The following ASIC3 variants were observed in gnomAD, a reference collection of about 807,000 sequenced individuals.
The protein encoded by ASIC3 is acid sensing ion channel subunit 3.
ASIC3 carries 46 observed loss-of-function variants against 58.6 expected under a neutral mutation model. The ratio of observed to expected loss-of-function variants is 0.79; its 90% CI spans 0.62 to 1.00. The LOEUF (loss-of-function observed/expected upper bound fraction) is 1.00, where lower values mean the gene tolerates loss of function less well. ASIC3 is among the 50% of genes least tolerant of loss of function. ASIC3 has a pLI of 0.00. For missense variants in ASIC3, 770 were observed against 735.0 expected, an observed-to-expected ratio of 1.05 and a Z score of -0.55; for synonymous variants, 336 against 300.2, an observed-to-expected ratio of 1.12 and a Z score of -1.23.
At chr7:151,051,489 G>T (rs1417464701) in intron 6 of ASIC3, among the ~76,000 whole-genome samples, 170 bp downstream of exon 6, 1 of 151,608 alleles carries the variant, frequency 6.6e-6, no homozygotes, top group African/African-American at 2.4e-5. Context: ...GGCCCCGGGG[G>T]ATGCTGACGC....
chr7:151,050,696 G>C, intron 3 of ASIC3, 62 bp from the exon 4 acceptor site: 1 of 1,605,824 alleles, frequency 6.2e-7, no homozygotes, highest in South Asian at 1.1e-5. Flanking sequence ...CTGTCTAGGG[G>C]CCTCTCCCCA....
Position 151,050,836 on chromosome 7 carries a change from C to T in ASIC3, c.892C>T (p.Pro298Ser), listed in dbSNP as rs763507427. 1.2e-6 allele frequency: 2 copies of T among 1,613,344 alleles called. No homozygotes were observed. The highest frequency in any genetic ancestry group is 2.2e-5 in the South Asian group (2 of 91,058). ...NPNYEPEPSD[P>S]LGSPSPSPSP... is the part of the protein sequence containing the mutation. ...CAACTATGAGCCAGAGCCCTCTGAT[C>T]CCCTAGGCTCCCCCAGCCCCAGCCC... is the stretch of plus-strand genomic sequence containing the variant. Residue 298 changes from proline (P) to serine (S), a missense_variant, in exon 4 of 11, where the codon CCC becomes TCC. Physicochemically the swap from Pro to Ser is moderately conservative, Grantham distance 74. Transcript: ENST00000349064.
At position 151,050,949 on chromosome 7, in the gene ASIC3, G is replaced by A. The variant is rs753440843; in HGVS notation, c.1005G>A (p.Met335Ile). The A allele has an allele frequency of 5.0e-6, 8 of 1,613,466 alleles. No individual in the cohort carries two copies. In the South Asian group the frequency reaches 7.7e-5, roughly 15 times the overall value. ...AGTGCGGCTGCCGAATGGTGTACAT[G>A]CCAGGTGAGGGGCTGGGGTTTTCGT... ...ARKCGCRMVY[M>I]PGDVPVCSPQ... The change falls in exon 4 of 11, where the codon ATG becomes ATA. Residue 335 changes from methionine to isoleucine, a missense_variant. Coordinates refer to ENST00000349064, the MANE Select transcript of ASIC3 (RefSeq NM_004769.4).
chr7:151,050,189 G>A lies in ASIC3; in HGVS notation c.618G>A (p.Met206Ile). 6.2e-7 allele frequency: 1 copy of A among 1,614,148 alleles called. No individual in the cohort carries two copies. The highest frequency in any genetic ancestry group is 8.5e-7 in the Non-Finnish European group (1 of 1,180,006). Residue 206 changes from methionine to isoleucine, a missense_variant, in exon 2 of 11, where the codon ATG becomes ATA. Transcript: ENST00000349064. The part of the protein sequence containing the change: ...AELLTTTRGG[M>I]GNGLDIMLDV... ...TGCTCACCACTACTAGGGGTGGCAT[G>A]GGCAATGGGCTGGACATCATGCTGG...
At position 151,051,932 on chromosome 7, in the gene ASIC3, G is replaced by A. The variant is rs201230822; in HGVS notation, c.1306+31G>A. On this transcript the variant is annotated intron_variant, in intron 7 of 10. Coordinates refer to ENST00000349064, the MANE Select transcript of ASIC3 (RefSeq NM_004769.4). ...TGTGCAGGGCCCCCAGGGCTGGGGGGGTGTGGGCAGGCAGGTGGCTGTAAG... is the reference window on the plus strand; with the variant it reads ...TGTGCAGGGCCCCCAGGGCTGGGGGAGTGTGGGCAGGCAGGTGGCTGTAAG... The A allele has an allele frequency of 8.7e-6, 14 of 1,613,390 alleles. No homozygotes were observed. The East Asian group carries it at 1.1e-4, about 13-fold the overall frequency.
chr7:151,051,690 C>T, intron 6 of ASIC3, 120 bp from the exon 7 acceptor site: 1 of 1,024,318 alleles, frequency 9.8e-7, no homozygotes, highest in South Asian at 1.4e-5. Context: ...CAGGTGTGAG[C>T]CACCGTGCCC....
At position 151,050,197 on chromosome 7, in the gene ASIC3, G is replaced by A. The variant is rs1796734098; in HGVS notation, c.626G>A (p.Gly209Glu). The change falls in exon 2 of 11, where the codon GGG becomes GAG. Residue 209 changes from glycine to glutamate, a missense_variant. By Grantham distance (98) the Gly-to-Glu change is moderately conservative (BLOSUM62 -2). Coordinates refer to ENST00000349064, the MANE Select transcript of ASIC3 (RefSeq NM_004769.4). Reference sequence around the variant, plus strand: ...ACTACTAGGGGTGGCATGGGCAATGGGCTGGACATCATGCTGGACGTGCAG... The same window carrying A: ...ACTACTAGGGGTGGCATGGGCAATGAGCTGGACATCATGCTGGACGTGCAG... The part of the protein sequence containing the change: ...LTTTRGGMGN[G>E]LDIMLDVQQE... 4 of 1,614,124 alleles carry A rather than the reference G, an allele frequency of 2.5e-6. No individual in the cohort carries two copies. The highest frequency in any genetic ancestry group is 2.5e-6 in the Non-Finnish European group (3 of 1,179,996).
Position 151,048,674 on chromosome 7 carries a change from G to A in ASIC3, c.-212G>A. 1.7e-6 allele frequency: 1 copy of A among 581,614 alleles called. No individual in the cohort carries two copies. The highest frequency in any genetic ancestry group is 2.8e-5 in the East Asian group (1 of 35,484). The allele number at this position is 581,614 out of a possible 1,614,324, so 36.0% of individuals were successfully genotyped here. On this transcript the variant is annotated 5_prime_UTR_variant, in exon 1 of 11. Coordinates refer to ENST00000349064, the MANE Select transcript of ASIC3 (RefSeq NM_004769.4). Reference sequence around the variant, plus strand: ...AGTGGAGCCACCGCCTGTTCCTCGGGAAGGAACAGTGGGACCTGACCGGCC... The same window carrying A: ...AGTGGAGCCACCGCCTGTTCCTCGGAAAGGAACAGTGGGACCTGACCGGCC...
In ASIC3 at chr7:151,052,722, C is replaced by T. The variant is rs774641603; in HGVS notation, c.*70C>T. Reference sequence around the variant, plus strand: ...ATGCCTAGCCTGCACGTAGCTTTTCCGTCTTCACCCCAAATAAAGTCCTAA... The same window carrying T: ...ATGCCTAGCCTGCACGTAGCTTTTCTGTCTTCACCCCAAATAAAGTCCTAA... On this transcript the variant is annotated 3_prime_UTR_variant, in exon 11 of 11. Coordinates refer to ENST00000349064, the MANE Select transcript of ASIC3 (RefSeq NM_004769.4). This position sits in a 1 kb window ranked among gnomAD's most constrained non-coding sequence, Gnocchi z 5.0. 16 of 1,614,086 alleles carry T rather than the reference C, an allele frequency of 9.9e-6. No individual in the cohort carries two copies. The highest frequency in any genetic ancestry group is 2.2e-5 in the East Asian group (1 of 44,880).
Position 151,052,136 on chromosome 7 carries a change from C to T in ASIC3, c.1387-30C>T, listed in dbSNP as rs1169050934. On this transcript the variant is annotated intron_variant, in intron 8 of 10. Coordinates refer to ENST00000349064, the MANE Select transcript of ASIC3 (RefSeq NM_004769.4). This position sits in a 1 kb window ranked among gnomAD's most constrained non-coding sequence, Gnocchi z 5.0. ...CCTAGGATGAGGGGGAAGGTGTGCA[C>T]TGGCCACCTCCCATCCTGCTTGCCT... The T allele has an allele frequency of 6.2e-7, 1 of 1,613,852 alleles. No individual in the cohort carries two copies.
intron 6 of ASIC3, 106 bp downstream of exon 6, chr7:151,051,425 A>AGGCT: frequency 7.6e-7 from 1 of 1,315,110 alleles, no homozygotes; most frequent in Non-Finnish European, 9.9e-7. Flanking sequence ...GGGCGGAGGC[A>AGGCT]GCCTCCGCAG....
At position 151,052,231 on chromosome 7, in the gene ASIC3, C is replaced by G; in HGVS notation, c.1452C>G (p.Thr484=). Residue 484 remains threonine, a synonymous_variant, in exon 9 of 11, where the codon ACC becomes ACG. Transcript: ENST00000349064. This position sits in a 1 kb window ranked among gnomAD's most constrained non-coding sequence, Gnocchi z 5.0. ...AGCACTCCCAAAGGCACTCCAGCAC[C>G]AATCTGGTAACAGCCCCTCTTCTGG... ...NRQHSQRHSS[T]NLLQEGLGSH... 1.2e-6 allele frequency: 2 copies of G among 1,614,104 alleles called. No homozygotes were observed. The highest frequency in any genetic ancestry group is 1.7e-6 in the Non-Finnish European group (2 of 1,180,006).
In ASIC3 at chr7:151,052,504, G is replaced by A; in HGVS notation, c.1517+30G>A. 1 of 1,613,946 alleles carries A rather than the reference G, an allele frequency of 6.2e-7. No homozygotes were observed. The highest frequency in any genetic ancestry group is 8.5e-7 in the Non-Finnish European group (1 of 1,179,944). ...CACATAATGGCCCCCTAAAATCAAG[G>A]GAGGGCAGGGGCAGGCTCAGGACAG... On this transcript the variant is annotated intron_variant, in intron 10 of 10. Transcript: ENST00000349064. The surrounding 1 kb of genome is among the most constrained non-coding windows in gnomAD (Gnocchi z 5.0).
chr7:151,051,232 C>T lies in ASIC3; in HGVS notation c.1127C>T (p.Ala376Val), dbSNP rs565807969. ...CPNPCASTRY[A>V]KELSMVRIPS... ...AACCCGTGCGCCAGCACGCGCTACG[C>T]CAAGGAGCTCTCCATGGTGCGGATC... The change falls in exon 6 of 11, where the codon GCC becomes GTC. Residue 376 changes from alanine to valine, a missense_variant. Ala to Val is a moderately conservative substitution (Grantham distance 64). Transcript: ENST00000349064. 6 of 1,572,640 alleles carry T rather than the reference C, an allele frequency of 3.8e-6. No individual in the cohort carries two copies. In the South Asian group the frequency reaches 6.9e-5, roughly 18 times the overall value.
At position 151,049,388 on chromosome 7, in the gene ASIC3, G is replaced by T; in HGVS notation, c.503G>T (p.Gly168Val). 6.2e-7 allele frequency: 1 copy of T among 1,601,390 alleles called. No individual in the cohort carries two copies. Among genetic ancestry groups the T allele is most frequent in the Non-Finnish European group, 8.5e-7 (1 of 1,173,194 alleles). Residue 168 changes from glycine (G) to valine (V), a missense_variant, in exon 1 of 11, where the codon GGC (glycine) becomes GTC (valine). By Grantham distance (109) the Gly-to-Val change is moderately radical (BLOSUM62 -3). Coordinates refer to ENST00000349064, the MANE Select transcript of ASIC3 (RefSeq NM_004769.4). ...ATGCTGCTGGACTGTCGCTTCCGTG[G>T]CCAACCTTGTGGGCCTGAGAACTTC... ...DDMLLDCRFR[G>V]QPCGPENFTT...
At position 151,052,522 on chromosome 7, in the gene ASIC3, C is replaced by T; in HGVS notation, c.1517+48C>T. The T allele has an allele frequency of 1.9e-6, 3 of 1,613,820 alleles. No homozygotes were observed. The highest frequency in any genetic ancestry group is 1.7e-6 in the Non-Finnish European group (2 of 1,179,864). ...AATCAAGGGAGGGCAGGGGCAGGCT[C>T]AGGACAGTGGGTGTGCCCGTTCCCA... On this transcript the variant is annotated intron_variant, in intron 10 of 10. Coordinates refer to ENST00000349064, the MANE Select transcript of ASIC3 (RefSeq NM_004769.4). This position sits in a 1 kb window ranked among gnomAD's most constrained non-coding sequence, Gnocchi z 5.0.
Position 151,050,748 on chromosome 7 carries a change from C to A in ASIC3, c.814-10C>A. 6.2e-7 allele frequency: 1 copy of A among 1,612,232 alleles called. No homozygotes were observed. On this transcript the variant is annotated splice_polypyrimidine_tract_variant and intron_variant, in intron 3 of 10. Transcript: ENST00000349064. ...CTCCGGGAAGCCTCCTTAACCCTGTCCCCCCACAGCTGAGCTTCCTGCCAC... is the reference window on the plus strand; with the variant it reads ...CTCCGGGAAGCCTCCTTAACCCTGTACCCCCACAGCTGAGCTTCCTGCCAC...
intron 1 of ASIC3, 68 bp downstream of exon 1, chr7:151,049,487 C>G (rs1180701720): frequency 6.6e-7 from 1 of 1,504,188 alleles, no homozygotes; most frequent in Non-Finnish European, 8.9e-7. Context: ...CCAGCACCCA[C>G]AATTCCCTAG....
chr7:151,051,952 T>C, intron 7 of ASIC3, 31 bp from the exon 8 acceptor site: 1 of 1,612,588 alleles, frequency 6.2e-7, no homozygotes, highest in Non-Finnish European at 8.5e-7. Flanking sequence ...GGCAGGTGGC[T>C]GTAAGTTGAA....
Sources: allele counts gnomAD v4.1 joint callset (sites outside exome capture counted in the v4.1 genomes callset), GRCh38; gene constraint gnomAD v4.1.1; non-coding constraint Gnocchi (gnomAD v3.1); transcripts MANE v1.5; gene names NCBI Gene and HGNC (gene_info 2026-07-23, HGNC 2026-07-21).